The following SLC24A2 variants were observed in gnomAD, a reference collection of about 807,000 sequenced individuals.
SLC24A2 encodes sodium/potassium/calcium exchanger 2.
SLC24A2 carries 36 observed loss-of-function variants against 62.0 expected under a neutral mutation model. The ratio of observed to expected loss-of-function variants is 0.58; its 90% CI spans 0.44 to 0.77. The LOEUF (loss-of-function observed/expected upper bound fraction) is 0.77. SLC24A2 is among the 30% of genes least tolerant of loss of function. The pLI, the probability that SLC24A2 is intolerant of heterozygous loss-of-function variation, is 0.00. For missense variants in SLC24A2, 846 were observed against 817.9 expected (o/e 1.03, Z -0.42); for synonymous variants, 358 against 294.0 (o/e 1.22, Z -2.23).
chr9:20,005,500 G>A, the SLC24A2 span, among the ~76,000 whole-genome samples: 1 of 151,856 alleles, frequency 6.6e-6, no homozygotes, highest in South Asian at 2.1e-4. Context: ...ATAAGATTAA[G>A]TATCTTGCTT....
chr9:19,636,294 CTTTTCTTTTCTTTTCTT>C (rs1564009483), intron 2 of SLC24A2, among the ~76,000 whole-genome samples: 9 of 44,466 alleles, frequency 2.0e-4, no homozygotes, highest in Admixed American at 2.9e-4. Flanking sequence ...CTCTTCTTTT[CTTTTCTTTTCTTTTCTT>C]TTCTTTTCTT....
rs777517953 is a variant in SLC24A2, at chr9:19,786,186, A to G, written c.681T>C (p.Ser227=). 3 of 1,614,178 alleles carry G rather than the reference A, an allele frequency of 1.9e-6. No homozygotes were observed. In the South Asian group the frequency reaches 3.3e-5, roughly 18 times the overall value. Residue 227 remains serine (S), a synonymous_variant, in exon 2 of 11, where the codon TCT becomes TCC. Transcript: ENST00000341998. The surrounding 1 kb of genome is among the most constrained non-coding windows in gnomAD (Gnocchi z 5.0). ...LFVIGMCALF[S]REILNLTWWP... ...ACCATGTCAGGTTTAAGATTTCTCT[A>G]GAAAACAGAGCACACATGCCAATAA...
chr9:20,270,981 C>G, the SLC24A2 span, among the ~76,000 whole-genome samples: 1 of 152,096 alleles, frequency 6.6e-6, no homozygotes, highest in African/African-American at 2.4e-5. Context: ...TTTAAAAGGA[C>G]CATTTTCTTC....
the SLC24A2 span, among the ~76,000 whole-genome samples, chr9:20,207,466 G>A: frequency 1.3e-5 from 2 of 152,024 alleles, no homozygotes; most frequent in Non-Finnish European, 1.5e-5. Context: ...GAACCTTTAA[G>A]ATTAAAATTA....
chr9:19,572,259 C>CAAA lies in SLC24A2; in HGVS notation c.1347+1089_1347+1091dup, dbSNP rs34529143. On this transcript the variant is annotated intron_variant, in intron 7 of 10. Transcript: ENST00000341998. The stretch of plus-strand genomic sequence containing the variant: ...TGGGTGACAGAGTGAGAGTCCGTCT[C>CAAA]AAAAAAAAAAAAAAAAAAAAAAATG... 2.0e-3 allele frequency among the ~76,000 whole-genome samples: 136 copies of CAAA among 69,258 alleles called. 4 individuals carry two copies. The highest frequency in any genetic ancestry group is 8.2e-3 in the East Asian group (21 of 2,574). 45.4% of individuals were successfully genotyped at this position (69,258 alleles called of 152,430 possible).
chr9:19,663,329 T>C (rs900791674), intron 2 of SLC24A2, among the ~76,000 whole-genome samples: 1 of 152,138 alleles, frequency 6.6e-6, no homozygotes, highest in African/African-American at 2.4e-5. Context: ...CCCACAAAGT[T>C]CTAGAGCAGA....
intron 2 of SLC24A2, among the ~76,000 whole-genome samples, chr9:19,689,079 GTTTTAC>G (rs1272203836): frequency 1.3e-5 from 2 of 152,048 alleles, no homozygotes; most frequent in East Asian, 3.9e-4. Flanking sequence ...TTTCCTAGTT[GTTTTAC>G]TTTTATTATT....
At chr9:19,710,326 A>G (rs1286498560) in intron 2 of SLC24A2, among the ~76,000 whole-genome samples, 3 of 152,124 alleles carry the variant, frequency 2.0e-5, no homozygotes, top group African/African-American at 7.2e-5. Context: ...GGAAAACACA[A>G]TTACCTGCAG....
At chr9:20,299,271 A>G in the SLC24A2 span, among the ~76,000 whole-genome samples, 2 of 152,328 alleles carry the variant, frequency 1.3e-5, no homozygotes, top group Admixed American at 1.3e-4. Context: ...TTAGGGATTC[A>G]AAGGTTCCAT....
At chr9:20,023,729 G>A in the SLC24A2 span, among the ~76,000 whole-genome samples, 1 of 152,142 alleles carries the variant, frequency 6.6e-6, no homozygotes, top group East Asian at 1.9e-4. Context: ...TTCAGAATTA[G>A]AGAAGAGTTA....
the SLC24A2 span, among the ~76,000 whole-genome samples, chr9:20,147,948 T>C: frequency 6.6e-6 from 1 of 152,116 alleles, no homozygotes; most frequent in Non-Finnish European, 1.5e-5. Context: ...AGGTAATGTA[T>C]AGGAGAATGC....
At chr9:19,866,960 TA>T in the SLC24A2 span, among the ~76,000 whole-genome samples, 9 of 151,848 alleles carry the variant, frequency 5.9e-5, no homozygotes, top group Non-Finnish European at 1.2e-4. Context: ...GTTAGTGGGT[TA>T]AAAAAATGAA....
At chr9:20,020,221 G>T in the SLC24A2 span, among the ~76,000 whole-genome samples, 1 of 152,262 alleles carries the variant, frequency 6.6e-6, no homozygotes, top group African/African-American at 2.4e-5. Flanking sequence ...CAATTACTGG[G>T]TATATACCCA....
the SLC24A2 span, among the ~76,000 whole-genome samples, chr9:20,000,763 A>G: frequency 1.3e-5 from 2 of 152,214 alleles, no homozygotes; most frequent in African/African-American, 4.8e-5. Flanking sequence ...GACAGGAAAT[A>G]TACATGCCCT....
At chr9:20,174,121 T>C in the SLC24A2 span, among the ~76,000 whole-genome samples, 1 of 151,960 alleles carries the variant, frequency 6.6e-6, no homozygotes, top group Non-Finnish European at 1.5e-5. Context: ...ATTCAACAAA[T>C]GATGCTGGAT....
chr9:19,612,460 G>A (rs555691131), intron 4 of SLC24A2, among the ~76,000 whole-genome samples: 2 of 152,274 alleles, frequency 1.3e-5, no homozygotes, highest in East Asian at 3.9e-4. Context: ...GATTACAGGT[G>A]TGTGCCAACA....
At chr9:20,155,367 G>A in the SLC24A2 span, among the ~76,000 whole-genome samples, 1 of 151,554 alleles carries the variant, frequency 6.6e-6, no homozygotes, top group Admixed American at 6.6e-5. Flanking sequence ...TCCTAATATT[G>A]GACTGACTTT....
chr9:19,780,229 T>C (rs1822972136), intron 2 of SLC24A2, among the ~76,000 whole-genome samples: 1 of 152,134 alleles, frequency 6.6e-6, no homozygotes, highest in South Asian at 2.1e-4. Flanking sequence ...ATTAACTTTA[T>C]AGTATGTTAA....
chr9:19,729,330 A>G (rs1394330058), intron 2 of SLC24A2, among the ~76,000 whole-genome samples: 1 of 152,210 alleles, frequency 6.6e-6, no homozygotes, highest in East Asian at 1.9e-4. Context: ...AAAAACTACA[A>G]ATAGGACCAC....
Sources: gnomAD v4.1 joint callset for allele counts (sites outside exome capture counted in the v4.1 genomes callset) on GRCh38, gnomAD v4.1.1 for gene constraint, Gnocchi (gnomAD v3.1) non-coding constraint, MANE v1.5 for transcripts, NCBI Gene and HGNC (gene_info 2026-07-23, HGNC 2026-07-21) for gene names.